ATG12: variants seen among roughly 807,000 people sequenced by gnomAD.
The protein encoded by ATG12 is ubiquitin-like protein ATG12.
Under a neutral mutation model 17.6 loss-of-function variants are expected in ATG12, and 19 were observed. That is an observed-to-expected ratio of 1.08 (90% CI 0.75 to 1.58). The LOEUF (loss-of-function observed/expected upper bound fraction) is 1.58, where lower values mean the gene tolerates loss of function less well. ATG12 is among the 40% of genes most tolerant of loss of function. The pLI is 0.00. For missense variants in ATG12, 214 were observed against 162.0 expected (o/e 1.32, Z -1.74); for synonymous variants, 75 against 62.4 (o/e 1.20, Z -0.95).
At chr5:115,833,004 ATT>A (rs1760951787) in intron 2 of ATG12, 1 of 179,382 alleles carries the variant, frequency 5.6e-6, no homozygotes, top group African/African-American at 2.3e-5. Flanking sequence ...CCCACAAAGA[ATT>A]TCTCCTAAGA....
Position 115,830,258 on chromosome 5 carries a change from ATAAC to A in ATG12, c.*1542_*1545del, listed in dbSNP as rs1195386041. 6.8e-6 allele frequency: 1 copy of A among 148,058 alleles called. No homozygotes were observed. Among genetic ancestry groups the A allele is most frequent in the Non-Finnish European group, 1.5e-5 (1 of 67,760 alleles). 9.2% of individuals were successfully genotyped at this position (148,058 alleles called of 1,614,324 possible). On this transcript the variant is annotated 3_prime_UTR_variant, in exon 4 of 4. Coordinates refer to ENST00000509910, the MANE Select transcript of ATG12 (RefSeq NM_004707.4). ...TATTAAGTTATTTAGGTCAAAAAGA[ATAAC>A]TAAATGGATGCTACAAATTTCAACC... is the stretch of plus-strand genomic sequence containing the variant.
At chr5:115,840,816 A>T in intron 1 of ATG12, 3 of 1,228,824 alleles carry the variant, frequency 2.4e-6, no homozygotes, top group Non-Finnish European at 3.1e-6. Flanking sequence ...GAAATAACTC[A>T]CAAAGGTTCC....
At chr5:115,833,378 A>AT (rs1362194942) in intron 2 of ATG12, 1 of 151,752 alleles carries the variant, frequency 6.6e-6, no homozygotes, top group African/African-American at 2.4e-5. Context: ...TAAACTTAGT[A>AT]TTTAAAAAAA....
chr5:115,840,289 C>A (rs1219796506), intron 1 of ATG12, among the ~76,000 whole-genome samples: 4 of 151,216 alleles, frequency 2.6e-5, no homozygotes, highest in African/African-American at 9.8e-5. Context: ...AGCAATGAGA[C>A]CAATGTCTTT....
intron 1 of ATG12, chr5:115,840,876 G>T: frequency 7.8e-7 from 1 of 1,286,708 alleles, no homozygotes; most frequent in South Asian, 1.2e-5. Flanking sequence ...CTTTCCCTTA[G>T]CAGTCTTCAT....
At chr5:115,840,033 G>C (rs568431455) in intron 1 of ATG12, among the ~76,000 whole-genome samples, 2 of 152,264 alleles carry the variant, frequency 1.3e-5, no homozygotes, top group African/African-American at 4.8e-5. Context: ...CAAGTAACAA[G>C]TTTTGACTAA....
In ATG12 at chr5:115,831,704, A is replaced by G; in HGVS notation, c.*100T>C. ...AGAGTAGACACATACTAAATAGATC[A>G]CATCTGTTAAGTCTCTTGCCACAAG... is the stretch of plus-strand genomic sequence containing the variant. On this transcript the variant is annotated 3_prime_UTR_variant, in exon 4 of 4. Transcript: ENST00000509910. 1 of 1,064,810 alleles carries G rather than the reference A, an allele frequency of 9.4e-7. No individual in the cohort carries two copies. The highest frequency in any genetic ancestry group is 1.4e-6 in the Non-Finnish European group (1 of 705,562). 66.0% of individuals were successfully genotyped at this position (1,064,810 alleles called of 1,614,324 possible). A position where few individuals can be genotyped will look rare whatever the true frequency, so the allele number is the denominator to read the frequency against.
intron 2 of ATG12, among the ~76,000 whole-genome samples, chr5:115,834,633 C>T (rs1761016459): frequency 1.3e-5 from 2 of 152,148 alleles, no homozygotes; most frequent in Non-Finnish European, 2.9e-5. Flanking sequence ...GTGGATTCCT[C>T]ATGGTTCACT....
At position 115,841,454 on chromosome 5, in the gene ATG12, C is replaced by A; in HGVS notation, c.99G>T (p.Glu33Asp). The A allele has an allele frequency of 6.2e-7, 1 of 1,610,890 alleles. No homozygotes were observed. The highest frequency in any genetic ancestry group is 8.5e-7 in the Non-Finnish European group (1 of 1,179,240). ...GGGAAACTGCAGCGGAAGACGGGGG[C>A]TCCGGGGTGGTTGTTTCTGGGGAGA... is the stretch of plus-strand genomic sequence containing the variant. ...TDVSPETTTP[E>D]PPSSAAVSPG... Residue 33 changes from glutamate to aspartate, a missense_variant, in exon 1 of 4, where the codon GAG becomes GAT. By Grantham distance (45) the Glu-to-Asp change is conservative. Transcript: ENST00000509910.
At chr5:115,839,026 G>A (rs1444042198) in intron 1 of ATG12, 1 of 150,918 alleles carries the variant, frequency 6.6e-6, no homozygotes, top group Admixed American at 6.6e-5. Flanking sequence ...GGGAGGCTGA[G>A]ACAGGGGAAT....
At chr5:115,834,624 T>C (rs1238586948) in intron 2 of ATG12, among the ~76,000 whole-genome samples, 6 of 152,228 alleles carry the variant, frequency 3.9e-5, no homozygotes, top group Non-Finnish European at 7.3e-5. Flanking sequence ...CTCTGTCTAG[T>C]GGATTCCTCA....
intron 1 of ATG12, among the ~76,000 whole-genome samples, chr5:115,839,828 T>C (rs1010343965): frequency 3.3e-5 from 5 of 152,218 alleles, no homozygotes; most frequent in African/African-American, 1.2e-4. Context: ...AAGGTAGGAA[T>C]AGTTAGAAAC....
chr5:115,833,312 G>A (rs1446157738), intron 2 of ATG12: 3 of 151,908 alleles, frequency 2.0e-5, no homozygotes, highest in Non-Finnish European at 4.4e-5. Flanking sequence ...TTTATTTGCA[G>A]GTAACATATT....
At chr5:115,840,063 G>GA (rs564826763) in intron 1 of ATG12, among the ~76,000 whole-genome samples, 184 of 152,140 alleles carry the variant, frequency 1.2e-3, no homozygotes, top group Non-Finnish European at 2.0e-3. Flanking sequence ...ACCTTAAAAC[G>GA]AATCTCCGAA....
chr5:115,836,580 C>T (rs1435576936), intron 2 of ATG12, among the ~76,000 whole-genome samples: 1 of 152,172 alleles, frequency 6.6e-6, no homozygotes, highest in Non-Finnish European at 1.5e-5. Flanking sequence ...ACATGTCCTG[C>T]TTTAATGATA....
In ATG12 at chr5:115,830,120, TAAAAAAAAAAAA is replaced by T. The variant is rs35337050; in HGVS notation, c.*1672_*1683del. 2 of 104,238 alleles carry T rather than the reference TAAAAAAAAAAAA, an allele frequency of 1.9e-5. No individual in the cohort carries two copies. Among genetic ancestry groups the T allele is most frequent in the Admixed American group, 1.1e-4 (1 of 9,096 alleles). The allele number at this position is 104,238 out of a possible 1,614,324, so 6.5% of individuals were successfully genotyped here. On this transcript the variant is annotated 3_prime_UTR_variant, in exon 4 of 4. Transcript: ENST00000509910. ...CAACAAGACCGAAACGCTGTCTCTT[TAAAAAAAAAAAA>T]AAAAAAAAAAAGTGCAAAGTCCTAT...
Position 115,831,642 on chromosome 5 carries a change from C to G in ATG12, c.*162G>C. ...TAATACAAATCACATTTTTCTGAGT[C>G]CATTCATGCTATGGATGTTTTCTTA... On this transcript the variant is annotated 3_prime_UTR_variant, in exon 4 of 4. Transcript: ENST00000509910. 1 of 685,222 alleles carries G rather than the reference C, an allele frequency of 1.5e-6. No homozygotes were observed. The highest frequency in any genetic ancestry group is 2.5e-6 in the Non-Finnish European group (1 of 393,036). The allele number at this position is 685,222 out of a possible 1,614,324, so 42.4% of individuals were successfully genotyped here.
intron 2 of ATG12, 154 bp from the exon 3 acceptor site, chr5:115,832,818 GATC>G (rs1364770122): frequency 4.7e-6 from 3 of 640,144 alleles, no homozygotes; most frequent in Non-Finnish European, 7.4e-6. Context: ...AATTTAAAGA[GATC>G]ATTACGAAGA....
At chr5:115,837,796 T>C (rs769638891) in intron 1 of ATG12, 32 bp from the exon 2 acceptor site, 9 of 1,561,798 alleles carry the variant, frequency 5.8e-6, no homozygotes, top group Middle Eastern at 1.7e-4. Context: ...TACTGACAAT[T>C]ACACTGAAAC....
Sources: allele counts gnomAD v4.1 joint callset (sites outside exome capture counted in the v4.1 genomes callset), GRCh38; gene constraint gnomAD v4.1.1; transcripts MANE v1.5; gene names NCBI Gene and HGNC (gene_info 2026-07-23, HGNC 2026-07-21).